Variants in TPD52L1 observed in about 807,000 individuals in gnomAD.
The protein encoded by TPD52L1 is TPD52 like 1.
TPD52L1 carries 18 observed loss-of-function variants against 28.7 expected under a neutral mutation model. The observed-to-expected ratio is 0.63, with a 90% CI of 0.43 to 0.93. The LOEUF (loss-of-function observed/expected upper bound fraction) is 0.93. TPD52L1 is among the 40% of genes least tolerant of loss of function. The pLI is 0.00. For synonymous variants in TPD52L1, 75 were observed against 88.8 expected (o/e 0.84, Z 0.88); for missense variants, 203 against 254.8 (o/e 0.80, Z 1.39).
At chr6:125,181,335 C>T (rs1224947392) in intron 1 of TPD52L1, among the ~76,000 whole-genome samples, 1 of 152,128 alleles carries the variant, frequency 6.6e-6, no homozygotes, top group Non-Finnish European at 1.5e-5. Flanking sequence ...TGAATGACCT[C>T]TCTAAGAGCA....
intron 1 of TPD52L1, among the ~76,000 whole-genome samples, chr6:125,216,527 G>GTGTA (rs1554210729): frequency 1.2e-4 from 5 of 40,192 alleles, no homozygotes; most frequent in African/African-American, 3.6e-4. Context: ...CAGTATGTGT[G>GTGTA]TGTATATATA....
At chr6:125,202,496 C>A (rs576721308) in intron 1 of TPD52L1, among the ~76,000 whole-genome samples, 19 of 152,252 alleles carry the variant, frequency 1.2e-4, no homozygotes, top group African/African-American at 4.6e-4. Context: ...GGGTGCCTCG[C>A]AGCTACTCAG....
chr6:125,221,056 C>G (rs1231378987), intron 2 of TPD52L1, among the ~76,000 whole-genome samples: 1 of 152,188 alleles, frequency 6.6e-6, no homozygotes, highest in Non-Finnish European at 1.5e-5. Flanking sequence ...TGAGCTCCAC[C>G]TTACCCTCTC....
At chr6:125,200,770 A>T (rs1259504533) in intron 1 of TPD52L1, among the ~76,000 whole-genome samples, 1 of 152,210 alleles carries the variant, frequency 6.6e-6, no homozygotes, top group Non-Finnish European at 1.5e-5. Flanking sequence ...CCTCCTAGTC[A>T]ATACATGTCA....
chr6:125,258,200 G>C (rs1797715900), intron 6 of TPD52L1, among the ~76,000 whole-genome samples: 1 of 152,080 alleles, frequency 6.6e-6, no homozygotes, highest in South Asian at 2.1e-4. Flanking sequence ...TACTTTATTA[G>C]ACCCATAATT....
chr6:125,226,220 T>A (rs950212978), intron 2 of TPD52L1, among the ~76,000 whole-genome samples: 1 of 152,226 alleles, frequency 6.6e-6, no homozygotes, highest in African/African-American at 2.4e-5. Context: ...TAGAATTTTA[T>A]TATAGAATCT....
At position 125,264,150 on chromosome 6, in the gene TPD52L1, T is replaced by C. The variant is rs1420956387; in HGVS notation, c.*1188T>C. 6.6e-6 allele frequency: 1 copy of C among 152,206 alleles called. No homozygotes were observed. The highest frequency in any genetic ancestry group is 1.5e-5 in the Non-Finnish European group (1 of 68,032). The allele number at this position is 152,206 out of a possible 1,614,324, so 9.4% of individuals were successfully genotyped here. On this transcript the variant is annotated 3_prime_UTR_variant, in exon 7 of 7. Coordinates refer to ENST00000534000, the MANE Select transcript of TPD52L1 (RefSeq NM_003287.4). ...CAGATTTCTGCACTAACTTTTATCTTATATATCATATGTATCTCTTTTCTT... is the reference window on the plus strand; with the variant it reads ...CAGATTTCTGCACTAACTTTTATCTCATATATCATATGTATCTCTTTTCTT...
chr6:125,158,156 A>T (rs1362392594), intron 1 of TPD52L1, among the ~76,000 whole-genome samples: 5 of 152,028 alleles, frequency 3.3e-5, no homozygotes, highest in Non-Finnish European at 5.9e-5. Context: ...CTCTCTCAAG[A>T]CCTTTAACTT....
At chr6:125,257,266 T>G (rs1797662826) in intron 6 of TPD52L1, 108 bp downstream of exon 6, 3 of 824,876 alleles carry the variant, frequency 3.6e-6, no homozygotes, top group Non-Finnish European at 4.0e-6. Context: ...CAGGCTTGCA[T>G]CAAGTCAGAC....
At chr6:125,171,626 A>G (rs1020378130) in intron 1 of TPD52L1, among the ~76,000 whole-genome samples, 1 of 152,030 alleles carries the variant, frequency 6.6e-6, no homozygotes, top group Non-Finnish European at 1.5e-5. Flanking sequence ...GGCAACAAAA[A>G]CCTGGTTCTT....
At chr6:125,254,169 A>T (rs953622759) in intron 5 of TPD52L1, among the ~76,000 whole-genome samples, 1 of 152,250 alleles carries the variant, frequency 6.6e-6, no homozygotes, top group African/African-American at 2.4e-5. Flanking sequence ...GGGCAAGTTT[A>T]AATGCAAGGC....
At chr6:125,227,542 T>C (rs1429283326) in intron 2 of TPD52L1, among the ~76,000 whole-genome samples, 1 of 152,202 alleles carries the variant, frequency 6.6e-6, no homozygotes, top group Non-Finnish European at 1.5e-5. Context: ...AAAAAAAATT[T>C]AGTAAGAAAT....
chr6:125,158,059 C>T lies in TPD52L1; in HGVS notation c.19+4089C>T, dbSNP rs1393329102. Among the ~76,000 whole-genome samples the T allele has an allele frequency of 3.9e-5, 6 of 152,220 alleles. No individual in the cohort carries two copies. In the South Asian group the frequency reaches 1.2e-3, roughly 32 times the overall value. On this transcript the variant is annotated intron_variant, in intron 1 of 6. Transcript: ENST00000534000. ...TGGTTATGCTGCTTTCTGTTCTGTT[C>T]GCATCAAACCTCCCTCTGCCTCTCT...
intron 1 of TPD52L1, among the ~76,000 whole-genome samples, chr6:125,199,191 G>A (rs1331557502): frequency 1.3e-5 from 2 of 152,084 alleles, no homozygotes; most frequent in Non-Finnish European, 2.9e-5. Context: ...CTAATGACTC[G>A]ATTTGTTTAT....
chr6:125,230,320 C>A (rs2114989812), intron 3 of TPD52L1, among the ~76,000 whole-genome samples: 1 of 152,088 alleles, frequency 6.6e-6, no homozygotes, highest in South Asian at 2.1e-4. Flanking sequence ...GATTTTTCTT[C>A]TTTTTGTGTA....
intron 1 of TPD52L1, among the ~76,000 whole-genome samples, chr6:125,164,033 A>G (rs1023084349): frequency 2.0e-5 from 3 of 152,228 alleles, no homozygotes; most frequent in African/African-American, 7.2e-5. Context: ...GTTACACAAC[A>G]TTCTCCAACT....
At chr6:125,168,322 C>A (rs550686460) in intron 1 of TPD52L1, among the ~76,000 whole-genome samples, 103 of 152,158 alleles carry the variant, frequency 6.8e-4, no homozygotes, top group African/African-American at 2.4e-3. Context: ...GGCTCAGTAA[C>A]CTCTCCCCTC....
At chr6:125,198,099 G>A (rs1008203647) in intron 1 of TPD52L1, among the ~76,000 whole-genome samples, 4 of 152,212 alleles carry the variant, frequency 2.6e-5, no homozygotes, top group African/African-American at 7.2e-5. Context: ...GCTGATCTGA[G>A]TGTGATCTTG....
intron 1 of TPD52L1, among the ~76,000 whole-genome samples, chr6:125,172,650 A>C (rs912807713): frequency 8.6e-5 from 12 of 139,520 alleles, no homozygotes; most frequent in African/African-American, 3.2e-4. Flanking sequence ...AAACTATATA[A>C]TAAATTAGGT....
Sources: allele counts gnomAD v4.1 joint callset (sites outside exome capture counted in the v4.1 genomes callset), GRCh38; gene constraint gnomAD v4.1.1; transcripts MANE v1.5; gene names NCBI Gene and HGNC (gene_info 2026-07-23, HGNC 2026-07-21).